The following HDAC4 variants were observed in gnomAD, a reference collection of about 807,000 sequenced individuals.
HDAC4 encodes the protein histone deacetylase A.
Under a neutral mutation model 135.1 loss-of-function variants are expected in HDAC4, and 16 were observed. That is an observed-to-expected ratio of 0.12 (90% confidence interval 0.08 to 0.18). HDAC4 has a LOEUF of 0.18. Among genes scored for constraint, HDAC4 ranks in the 10% least tolerant of loss-of-function variants. The pLI is 1.00. For missense variants in HDAC4, 1,143 were observed against 1,511.8 expected (o/e 0.76, Z 4.05); for synonymous variants, 685 against 653.4 (o/e 1.05, Z -0.74).
Position 239,146,626 on chromosome 2 carries a change from C to T in HDAC4, c.734-1912G>A, listed in dbSNP as rs905112314. On this transcript the variant is annotated intron_variant, in intron 7 of 26. Transcript: ENST00000543185. The surrounding 1 kb of genome is among the most constrained non-coding windows in gnomAD (Gnocchi z 4.5). The stretch of plus-strand genomic sequence containing the variant: ...GGCGGCAGATCCTCCACAGCCCTGC[C>T]GGGCACTCCAGACTCTTTGTGCAAG... Among the ~76,000 whole-genome samples, 10 of 152,228 alleles carry T rather than the reference C, an allele frequency of 6.6e-5. No homozygotes were observed. In the South Asian group the frequency reaches 8.3e-4, roughly 13 times the overall value.
intron 2 of HDAC4, among the ~76,000 whole-genome samples, chr2:239,326,247 C>G (rs1320889739): frequency 6.6e-6 from 1 of 152,110 alleles, no homozygotes; most frequent in Non-Finnish European, 1.5e-5. Context: ...CACATTATGC[C>G]AAGTGAAAGA....
At chr2:239,233,375 A>G (rs2047708347) in intron 3 of HDAC4, among the ~76,000 whole-genome samples, 1 of 151,968 alleles carries the variant, frequency 6.6e-6, no homozygotes, top group Admixed American at 6.6e-5. Context: ...CTCAAAGGCA[A>G]TGCTCATTGG....
At chr2:239,122,870 C>T (rs577382454) in intron 12 of HDAC4, among the ~76,000 whole-genome samples, 58 of 152,310 alleles carry the variant, frequency 3.8e-4, no homozygotes, top group African/African-American at 1.3e-3. Flanking sequence ...GCTGGAGCAG[C>T]GCAGTGGGAC....
At chr2:239,273,974 G>C (rs919151537) in intron 2 of HDAC4, among the ~76,000 whole-genome samples, 8 of 152,214 alleles carry the variant, frequency 5.3e-5, no homozygotes, top group African/African-American at 1.9e-4. Context: ...TTAAAGCTGT[G>C]ACAATGGTAT....
At chr2:239,387,281 G>T (rs570648170) in intron 1 of HDAC4, among the ~76,000 whole-genome samples, 76 of 152,316 alleles carry the variant, frequency 5.0e-4, no homozygotes, top group African/African-American at 1.7e-3. Context: ...CAGAATGGCT[G>T]CAGCAGGGGC....
At chr2:239,100,413 C>T (rs1266899122) in intron 16 of HDAC4, among the ~76,000 whole-genome samples, 1 of 152,210 alleles carries the variant, frequency 6.6e-6, no homozygotes, top group Non-Finnish European at 1.5e-5. Context: ...CTTCTCTGAA[C>T]GTTCTGTGCT....
chr2:239,248,235 C>G (rs1209096763), intron 2 of HDAC4, among the ~76,000 whole-genome samples: 3 of 151,760 alleles, frequency 2.0e-5, no homozygotes, highest in African/African-American at 7.3e-5. Flanking sequence ...GGCTGAAGTG[C>G]AGTGGCGTGA....
intron 2 of HDAC4, among the ~76,000 whole-genome samples, chr2:239,295,176 G>A (rs952526294): frequency 6.7e-6 from 1 of 149,952 alleles, no homozygotes; most frequent in African/African-American, 2.4e-5. Context: ...GCGTAGTGGC[G>A]GGCGCCTGTA....
At chr2:239,128,037 C>T (rs1442928493) in intron 11 of HDAC4, among the ~76,000 whole-genome samples, 1 of 152,202 alleles carries the variant, frequency 6.6e-6, no homozygotes, top group Non-Finnish European at 1.5e-5. Context: ...CAGCAAGACC[C>T]CAGCAAGGCT....
chr2:239,085,451 C>A (rs982492871), intron 19 of HDAC4, among the ~76,000 whole-genome samples: 2 of 152,234 alleles, frequency 1.3e-5, no homozygotes, highest in African/African-American at 4.8e-5. Context: ...ACATCCTAGA[C>A]GCTGAGCTCC....
chr2:239,315,092 T>C (rs1234611706), intron 2 of HDAC4, among the ~76,000 whole-genome samples: 1 of 152,242 alleles, frequency 6.6e-6, no homozygotes, highest in African/African-American at 2.4e-5. Flanking sequence ...CATTCCTTTG[T>C]GTTGATAATA....
At chr2:239,126,378 C>A (rs754172687) in intron 12 of HDAC4, 78 bp downstream of exon 12, 1 of 1,607,504 alleles carries the variant, frequency 6.2e-7, no homozygotes, top group Non-Finnish European at 8.5e-7. Flanking sequence ...CAGAAAGGGG[C>A]CAGTGCTGAA....
In HDAC4 at chr2:239,170,226, AT is replaced by A. The variant is rs1164247238; in HGVS notation, c.490+6186del. On this transcript the variant is annotated intron_variant, in intron 5 of 26. Transcript: ENST00000543185. ...ATATATCTAGTCTGAAATAGCAAAT[AT>A]TTATAAAAATGTACAACATAATATA... Among the ~76,000 whole-genome samples the A allele has an allele frequency of 4.6e-5, 7 of 152,350 alleles. No individual in the cohort carries two copies. The East Asian group carries it at 1.3e-3, about 29-fold the overall frequency.
At chr2:239,232,188 T>C (rs1410468136) in intron 3 of HDAC4, among the ~76,000 whole-genome samples, 1 of 152,258 alleles carries the variant, frequency 6.6e-6, no homozygotes, top group African/African-American at 2.4e-5. Context: ...TAAACATACA[T>C]TGCTTTTATA....
intron 1 of HDAC4, among the ~76,000 whole-genome samples, chr2:239,387,490 G>A (rs1695900009): frequency 6.6e-6 from 1 of 152,156 alleles, no homozygotes; most frequent in Non-Finnish European, 1.5e-5. Flanking sequence ...GTGCAGGTTT[G>A]AGGTTCTCTG....
intron 19 of HDAC4, among the ~76,000 whole-genome samples, chr2:239,084,463 G>GCA (rs1186195382): frequency 7.6e-4 from 112 of 146,944 alleles, no homozygotes; most frequent in African/African-American, 2.1e-3. Context: ...ACGCGTGCGC[G>GCA]CGCACACACA....
At chr2:239,230,462 C>T (rs957219371) in intron 3 of HDAC4, among the ~76,000 whole-genome samples, 3 of 151,602 alleles carry the variant, frequency 2.0e-5, no homozygotes, top group Non-Finnish European at 2.9e-5. Context: ...TGGCAAGCTG[C>T]CGAGTCCGTG....
chr2:239,093,696 C>T (rs771282732), intron 17 of HDAC4, among the ~76,000 whole-genome samples: 28 of 152,232 alleles, frequency 1.8e-4, no homozygotes, highest in Non-Finnish European at 2.9e-5. Context: ...CAGCTCTCAT[C>T]TGCTGTGCCT....
intron 16 of HDAC4, among the ~76,000 whole-genome samples, chr2:239,097,690 T>A (rs1173937628): frequency 6.6e-6 from 1 of 152,074 alleles, no homozygotes; most frequent in Non-Finnish European, 1.5e-5. Context: ...AGAGAGCTAG[T>A]GCGCAGGTGG....
Sources: allele counts gnomAD v4.1 joint callset (sites outside exome capture counted in the v4.1 genomes callset), GRCh38; gene constraint gnomAD v4.1.1; non-coding constraint Gnocchi (gnomAD v3.1); transcripts MANE v1.5; gene names NCBI Gene and HGNC (gene_info 2026-07-23, HGNC 2026-07-21).